Variants in MAF observed in about 807,000 individuals in gnomAD.
MAF encodes the protein MAF bZIP transcription factor.
In MAF, 10 loss-of-function variants were observed where a neutral mutation model predicts 22.0. The observed-to-expected ratio is 0.45, with a 90% CI of 0.28 to 0.77. The LOEUF (loss-of-function observed/expected upper bound fraction) is 0.77. Ranked by LOEUF, MAF falls within the 30% of genes least tolerant of loss-of-function variation. MAF has a pLI of 0.12. For synonymous variants in MAF, 337 were observed against 255.8 expected (o/e 1.32, Z -3.03); for missense variants, 544 against 548.4 (o/e 0.99, Z 0.08).
the MAF span, among the ~76,000 whole-genome samples, chr16:79,446,364 C>A: frequency 2.6e-5 from 4 of 152,100 alleles, no homozygotes; most frequent in Admixed American, 2.6e-4. Flanking sequence ...CCCTGCCTTG[C>A]CTAGCTGGAG....
chr16:79,252,999 C>G, the MAF span, among the ~76,000 whole-genome samples: 1 of 152,150 alleles, frequency 6.6e-6, no homozygotes, highest in Non-Finnish European at 1.5e-5. Context: ...AAGAAATTCA[C>G]GCTTAAATAA....
the MAF span, among the ~76,000 whole-genome samples, chr16:79,267,770 G>A: frequency 1.3e-5 from 2 of 152,214 alleles, no homozygotes; most frequent in African/African-American, 4.8e-5. Flanking sequence ...AGAGTGCAGC[G>A]TACATGTGCC....
At chr16:79,217,785 T>C in the MAF span, among the ~76,000 whole-genome samples, 6 of 152,114 alleles carry the variant, frequency 3.9e-5, no homozygotes, top group African/African-American at 1.4e-4. Flanking sequence ...AAACAAGAAA[T>C]TGAAGCATTC....
the MAF span, among the ~76,000 whole-genome samples, chr16:79,329,448 T>C: frequency 6.6e-6 from 1 of 152,186 alleles, no homozygotes; most frequent in African/African-American, 2.4e-5. Flanking sequence ...GCATTTCTTC[T>C]GGGTCCGTGG....
chr16:79,226,547 G>C, the MAF span, among the ~76,000 whole-genome samples: 1 of 151,898 alleles, frequency 6.6e-6, no homozygotes, highest in Non-Finnish European at 1.5e-5. Context: ...AAAACAAAAT[G>C]TTTATAACCT....
the MAF span, chr16:79,202,801 A>G: frequency 3.9e-5 from 6 of 152,242 alleles, no homozygotes; most frequent in Non-Finnish European, 1.5e-5. Context: ...GAAACAAGAG[A>G]AAGATCTACA....
the MAF span, among the ~76,000 whole-genome samples, chr16:79,362,805 C>G: frequency 1.3e-5 from 2 of 152,178 alleles, no homozygotes; most frequent in African/African-American, 2.4e-5. Flanking sequence ...GTGCTCTACT[C>G]CAGACCTGCT....
chr16:79,584,277 C>G (rs1356915328), downstream of MAF, among the ~76,000 whole-genome samples: 1 of 152,160 alleles, frequency 6.6e-6, no homozygotes, highest in Non-Finnish European at 1.5e-5. Context: ...ACTGAAATCC[C>G]TTAACCAAAG....
chr16:79,409,170 C>A, the MAF span, among the ~76,000 whole-genome samples: 5 of 151,642 alleles, frequency 3.3e-5, no homozygotes, highest in Admixed American at 2.6e-4. Flanking sequence ...TCTTTTTAGG[C>A]GCCTTATAAA....
chr16:79,294,178 A>T, the MAF span, among the ~76,000 whole-genome samples: 2 of 152,188 alleles, frequency 1.3e-5, no homozygotes, highest in Non-Finnish European at 2.9e-5. Flanking sequence ...GGATAATGTC[A>T]GGGTCATTCT....
At chr16:79,215,062 C>G in the MAF span, among the ~76,000 whole-genome samples, 4 of 152,044 alleles carry the variant, frequency 2.6e-5, no homozygotes, top group Admixed American at 6.6e-5. Context: ...CCCCTTCTCC[C>G]CATTTTACTG....
the MAF span, among the ~76,000 whole-genome samples, chr16:79,455,082 G>C: frequency 1.1e-4 from 16 of 150,494 alleles, no homozygotes; most frequent in Non-Finnish European, 1.6e-4. Flanking sequence ...GGCAACAAGA[G>C]CGAAACTCCG....
chr16:79,598,300 C>A (rs1273024185), intron 1 of MAF: 3 of 1,090,640 alleles, frequency 2.8e-6, no homozygotes, highest in Admixed American at 4.6e-5. Context: ...AACACACACA[C>A]ACACAGAAAA....
At chr16:79,212,570 G>C in the MAF span, 1 of 163,806 alleles carries the variant, frequency 6.1e-6, no homozygotes, top group African/African-American at 2.4e-5. Context: ...CCCTTTGTCT[G>C]TCAATCACAG....
the MAF span, among the ~76,000 whole-genome samples, chr16:79,575,584 G>A: frequency 5.3e-5 from 8 of 152,176 alleles, no homozygotes; most frequent in African/African-American, 1.9e-4. Context: ...TTTAGGGTGG[G>A]ACCCAGGGGT....
Position 79,599,556 on chromosome 16 carries a change from G to T in MAF, c.347C>A (p.Ala116Glu), listed in dbSNP as rs1374309183. The T allele has an allele frequency of 1.3e-6, 2 of 1,581,748 alleles. No individual in the cohort carries two copies. The highest frequency in any genetic ancestry group is 8.6e-7 in the Non-Finnish European group (1 of 1,164,490). Reference protein sequence around the residue: ...LGFSPEDAVEALISNSHQLQG... With the variant: ...LGFSPEDAVEELISNSHQLQG... ...GAGCTGGTGGCTGTTGCTGATGAGC[G>T]CCTCGACCGCGTCCTCGGGGCTGAA... Residue 116 changes from alanine (A) to glutamate (E), a missense_variant, in exon 1 of 2, where the codon GCG (alanine) becomes GAG (glutamate). By Grantham distance (107) the Ala-to-Glu change is moderately radical. This residue lies in a region of MAF where 342 missense variants were observed against 315.5 expected (regional missense o/e 1.08). Transcript: ENST00000326043.
chr16:79,526,063 C>T, the MAF span, among the ~76,000 whole-genome samples: 1 of 152,202 alleles, frequency 6.6e-6, no homozygotes, highest in Non-Finnish European at 1.5e-5. Context: ...TATGAATTAA[C>T]ATCATTCAGT....
At chr16:79,365,939 C>G in the MAF span, among the ~76,000 whole-genome samples, 1 of 152,232 alleles carries the variant, frequency 6.6e-6, no homozygotes, top group South Asian at 2.1e-4. Context: ...GACTTTATGA[C>G]TCCTTCGCCA....
the MAF span, among the ~76,000 whole-genome samples, chr16:79,362,642 A>G: frequency 6.6e-5 from 10 of 152,370 alleles, no homozygotes; most frequent in African/African-American, 2.4e-4. Context: ...TGTCAAAGGC[A>G]GACGGGGTAG....
Sources: allele counts gnomAD v4.1 joint callset (sites outside exome capture counted in the v4.1 genomes callset), GRCh38; gene constraint gnomAD v4.1.1; regional missense constraint gnomAD v4.1.1; transcripts MANE v1.5; gene names NCBI Gene and HGNC (gene_info 2026-07-23, HGNC 2026-07-21).